The following COL4A1 variants were observed in gnomAD, a reference collection of about 807,000 sequenced individuals.
The protein encoded by COL4A1 is collagen type IV alpha 1 chain.
A neutral mutation model predicts 216.6 loss-of-function variants in COL4A1; 40 were observed. That is an observed-to-expected ratio of 0.18 (90% CI 0.14 to 0.24). The LOEUF is 0.24. COL4A1 is among the 10% of genes least tolerant of loss of function. The pLI, the probability that COL4A1 is intolerant of heterozygous loss-of-function variation, is 1.00. For synonymous variants in COL4A1, 839 were observed against 810.7 expected (o/e 1.03, Z -0.59); for missense variants, 1,628 against 2,196.8 (o/e 0.74, Z 5.18).
Position 110,161,203 on chromosome 13 carries a change from T to C in COL4A1, c.4629A>G (p.Pro1543=), listed in dbSNP as rs1877067916. 3 of 1,614,100 alleles carry C rather than the reference T, an allele frequency of 1.9e-6. No homozygotes were observed. In the South Asian group the frequency reaches 3.3e-5, roughly 18 times the overall value. ...GATGCTCGACTCACCTACTAATAAATGGTCTTATGTTTTCCCCCGTGATGG... is the reference window on the plus strand; with the variant it reads ...GATGCTCGACTCACCTACTAATAAACGGTCTTATGTTTTCCCCCGTGATGG... ...MAPITGENIR[P]FISRCAVCEA... The change falls in exon 49 of 52, where the codon CCA becomes CCG. Residue 1543 remains proline (P), a synonymous_variant. Coordinates refer to ENST00000375820, the MANE Select transcript of COL4A1 (RefSeq NM_001845.6).
chr13:110,273,081 A>G (rs948304705), intron 1 of COL4A1, among the ~76,000 whole-genome samples: 1 of 152,254 alleles, frequency 6.6e-6, no homozygotes, highest in Admixed American at 6.5e-5. Flanking sequence ...GTTTTTAGAC[A>G]GTAAATGGCT....
intron 1 of COL4A1, among the ~76,000 whole-genome samples, chr13:110,293,261 G>A (rs1407246124): frequency 1.3e-5 from 2 of 152,206 alleles, no homozygotes; most frequent in East Asian, 1.9e-4. Flanking sequence ...CTGGACGTCT[G>A]CAGGCTGCCA....
chr13:110,203,512 C>G, intron 18 of COL4A1, 54 bp downstream of exon 18: 53 of 1,571,436 alleles, frequency 3.4e-5, no homozygotes, highest in Non-Finnish European at 4.0e-5. Flanking sequence ...ACCCAGGGTC[C>G]TCTCCTTCCT....
intron 2 of COL4A1, among the ~76,000 whole-genome samples, chr13:110,223,860 T>C (rs1416551912): frequency 6.6e-6 from 1 of 152,054 alleles, no homozygotes; most frequent in Non-Finnish European, 1.5e-5. Context: ...CCGTGTAGAC[T>C]TTAGAGGCTT....
chr13:110,201,684 C>T (rs1879253113), intron 18 of COL4A1, 162 bp from the exon 19 acceptor site: 1 of 788,496 alleles, frequency 1.3e-6, no homozygotes, highest in South Asian at 1.3e-5. Flanking sequence ...GGGGATAAGC[C>T]TCTAAAACAT....
At position 110,301,618 on chromosome 13, in the gene COL4A1, C is replaced by T. The variant is rs575847894; in HGVS notation, c.84+5326G>A. ...AGATAGTCAACAATATTTCACATTACCACTCTGACTCGAGAGGGGATCACG... is the reference window on the plus strand; with the variant it reads ...AGATAGTCAACAATATTTCACATTATCACTCTGACTCGAGAGGGGATCACG... On this transcript the variant is annotated intron_variant, in intron 1 of 51. Transcript: ENST00000375820. 3.9e-4 allele frequency among the ~76,000 whole-genome samples: 59 copies of T among 152,302 alleles called. 1 individual carries two copies. The South Asian group carries it at 0.012, about 31-fold the overall frequency.
Position 110,169,679 on chromosome 13 carries a change from C to T in COL4A1, c.3826G>A (p.Ala1276Thr). ...CCCTTGGGCCCTGGGACACCGGGTG[C>T]TCCTGGCCAGCCTGGATTTCCTTTG... ...GDKGNPGWPG[A>T]PGVPGPKGDP... Residue 1276 changes from alanine (A) to threonine (T), a missense_variant, in exon 43 of 52, where the codon GCA becomes ACA. Physicochemically the swap from Ala to Thr is moderately conservative, Grantham distance 58 (BLOSUM62 0). Coordinates refer to ENST00000375820, the MANE Select transcript of COL4A1 (RefSeq NM_001845.6). The T allele has an allele frequency of 6.2e-7, 1 of 1,614,148 alleles. No homozygotes were observed. Among genetic ancestry groups the T allele is most frequent in the Non-Finnish European group, 8.5e-7 (1 of 1,180,040 alleles).
intron 10 of COL4A1, 195 bp downstream of exon 10, chr13:110,209,785 C>T: frequency 1.3e-6 from 1 of 792,460 alleles, no homozygotes; most frequent in Non-Finnish European, 2.3e-6. Flanking sequence ...ATCATCATCC[C>T]TTTCCCACAG....
At chr13:110,244,614 T>C (rs1052172990) in intron 1 of COL4A1, among the ~76,000 whole-genome samples, 1 of 152,148 alleles carries the variant, frequency 6.6e-6, no homozygotes, top group Non-Finnish European at 1.5e-5. Flanking sequence ...ATGTGTCTAA[T>C]CCCCAGGTGA....
intron 4 of COL4A1, 88 bp downstream of exon 4, chr13:110,213,694 A>C: frequency 3.8e-6 from 5 of 1,333,154 alleles, no homozygotes; most frequent in Non-Finnish European, 5.4e-6. Flanking sequence ...GACGAGGGCA[A>C]GGAGAAAGGA....
At chr13:110,256,583 A>G (rs1882579652) in intron 1 of COL4A1, among the ~76,000 whole-genome samples, 2 of 152,238 alleles carry the variant, frequency 1.3e-5, no homozygotes, top group South Asian at 2.1e-4. Flanking sequence ...TATGGAAATG[A>G]GAACGTGCAC....
rs765767079 is a variant in COL4A1 at position 110,172,774 on chromosome 13, T to C, written c.3506-4A>G. On this transcript the variant is annotated splice_region_variant and splice_polypyrimidine_tract_variant and intron_variant, in intron 40 of 51. Coordinates refer to ENST00000375820, the MANE Select transcript of COL4A1 (RefSeq NM_001845.6). Reference sequence around the variant, plus strand: ...GGGAATCCTCTTCCTGGTAGACCTATAAGATGAGGGTAAAATGCCACGTTT... The same window carrying C: ...GGGAATCCTCTTCCTGGTAGACCTACAAGATGAGGGTAAAATGCCACGTTT... The C allele has an allele frequency of 1.8e-5, 29 of 1,613,642 alleles. No homozygotes were observed. The highest frequency in any genetic ancestry group is 1.8e-5 in the Non-Finnish European group (21 of 1,179,612).
At chr13:110,152,564 G>T in intron 50 of COL4A1, 58 bp from the exon 51 acceptor site, 1 of 1,558,626 alleles carries the variant, frequency 6.4e-7, no homozygotes, top group South Asian at 1.1e-5. Flanking sequence ...CCAGGAAAGA[G>T]ATCGATCCTT....
At chr13:110,176,159 C>T (rs2139162023) in intron 36 of COL4A1, among the ~76,000 whole-genome samples, 1 of 152,332 alleles carries the variant, frequency 6.6e-6, no homozygotes, top group Non-Finnish European at 1.5e-5. Flanking sequence ...GGGATGGTCA[C>T]TTGGAGATCA....
chr13:110,216,962 C>T (rs771953983), intron 2 of COL4A1, among the ~76,000 whole-genome samples: 3 of 152,210 alleles, frequency 2.0e-5, no homozygotes, highest in Non-Finnish European at 4.4e-5. Context: ...TCCCAAATGT[C>T]ACCAGAAAGT....
intron 1 of COL4A1, among the ~76,000 whole-genome samples, chr13:110,271,471 C>T (rs576985964): frequency 1.3e-5 from 2 of 152,290 alleles, no homozygotes; most frequent in South Asian, 2.1e-4. Context: ...GAGGAGACAA[C>T]GTCAGTTCTG....
intron 1 of COL4A1, among the ~76,000 whole-genome samples, chr13:110,273,377 C>G (rs1883315051): frequency 6.6e-6 from 1 of 152,232 alleles, no homozygotes; most frequent in Non-Finnish European, 1.5e-5. Context: ...CTGAGTGCAT[C>G]TTAGACCACC....
chr13:110,264,472 G>A (rs903354), intron 1 of COL4A1, among the ~76,000 whole-genome samples: 3 of 151,890 alleles, frequency 2.0e-5, no homozygotes, highest in African/African-American at 4.8e-5. Flanking sequence ...ACAGAGGGAG[G>A]ACGGTAGAAA....
chr13:110,178,631 A>G (rs1370541186), intron 31 of COL4A1, among the ~76,000 whole-genome samples: 2 of 152,222 alleles, frequency 1.3e-5, no homozygotes, highest in African/African-American at 4.8e-5. Context: ...TAACCGTCCT[A>G]TGGAAAGATA....
Sources: allele counts gnomAD v4.1 joint callset (sites outside exome capture counted in the v4.1 genomes callset), GRCh38; gene constraint gnomAD v4.1.1; transcripts MANE v1.5; gene names NCBI Gene and HGNC (gene_info 2026-07-23, HGNC 2026-07-21).